Variants in WWOX observed in about 807,000 individuals in gnomAD.
The protein encoded by WWOX is WW domain containing oxidoreductase.
WWOX carries 69 observed loss-of-function variants against 46.2 expected under a neutral mutation model. The observed-to-expected ratio is 1.49, with a 90% CI of 1.23 to 1.82. The LOEUF (loss-of-function observed/expected upper bound fraction) is 1.82. WWOX is among the 40% of genes most tolerant of loss of function. WWOX has a pLI of 0.00. For synonymous variants in WWOX, 359 were observed against 202.6 expected (o/e 1.77, Z -6.56); for missense variants, 919 against 542.6 (o/e 1.69, Z -6.89).
intron 8 of WWOX, among the ~76,000 whole-genome samples, chr16:78,928,792 G>C (rs535398668): frequency 4.6e-5 from 7 of 152,252 alleles, no homozygotes; most frequent in Non-Finnish European, 1.0e-4. Context: ...GATCGTGCAA[G>C]CCTCAGTTTT....
chr16:78,912,428 A>T (rs1431055482), intron 8 of WWOX, among the ~76,000 whole-genome samples: 1 of 151,884 alleles, frequency 6.6e-6, no homozygotes, highest in African/African-American at 2.4e-5. Flanking sequence ...CAATTAGTAG[A>T]TGGCAGCTCA....
At chr16:78,873,314 G>T (rs1428860773) in intron 8 of WWOX, 1 of 152,138 alleles carries the variant, frequency 6.6e-6, no homozygotes, top group African/African-American at 2.4e-5. Context: ...GAATTAAGAA[G>T]GGACTAGCTC....
At chr16:78,606,052 G>A (rs1382109436) in intron 8 of WWOX, among the ~76,000 whole-genome samples, 5 of 152,154 alleles carry the variant, frequency 3.3e-5, no homozygotes, top group African/African-American at 2.4e-5. Context: ...ATTCTGCTAC[G>A]AGGGATGCCC....
At chr16:79,046,214 A>T (rs1463743282) in intron 8 of WWOX, among the ~76,000 whole-genome samples, 2 of 152,166 alleles carry the variant, frequency 1.3e-5, no homozygotes, top group African/African-American at 4.8e-5. Flanking sequence ...GTCAGTATGT[A>T]TCCAAGTGTT....
chr16:79,068,403 C>T (rs1597343874), intron 8 of WWOX, among the ~76,000 whole-genome samples: 2 of 152,046 alleles, frequency 1.3e-5, no homozygotes, highest in East Asian at 3.9e-4. Flanking sequence ...ACCCGTGTTC[C>T]TGAGAGTAGC....
intron 8 of WWOX, among the ~76,000 whole-genome samples, chr16:78,585,464 C>T (rs2045173741): frequency 6.6e-6 from 1 of 152,090 alleles, no homozygotes; most frequent in Non-Finnish European, 1.5e-5. Context: ...TGATGGGCCC[C>T]CAACTCAACT....
chr16:78,462,398 A>G (rs771720221), intron 8 of WWOX, among the ~76,000 whole-genome samples: 8 of 152,184 alleles, frequency 5.3e-5, no homozygotes, highest in Admixed American at 1.3e-4. Flanking sequence ...TGAGCCGGCC[A>G]TAGATTTATC....
At position 79,212,392 on chromosome 16, in the gene WWOX, A is replaced by AAGTACTTGTCATAGACTC; in HGVS notation, c.*597_*614dup. The AAGTACTTGTCATAGACTC allele has an allele frequency of 6.4e-6, 3 of 465,900 alleles. No individual in the cohort carries two copies. Among genetic ancestry groups the AAGTACTTGTCATAGACTC allele is most frequent in the Non-Finnish European group, 1.1e-5 (3 of 265,360 alleles). The allele number at this position is 465,900 out of a possible 1,614,324, so 28.9% of individuals were successfully genotyped here. On this transcript the variant is annotated 3_prime_UTR_variant, in exon 9 of 9. Transcript: ENST00000566780. The stretch of plus-strand genomic sequence containing the variant: ...GAATACGCAGAACTACCAGGTGGCA[A>AAGTACTTGTCATAGACTC]AGTACTTGTCATAGACTCCTTTGCT...
intron 5 of WWOX, among the ~76,000 whole-genome samples, chr16:78,199,313 AAAC>A (rs2036157016): frequency 4.6e-5 from 2 of 43,410 alleles, no homozygotes; most frequent in African/African-American, 2.7e-4. Context: ...ACTCCATCTC[AAAC>A]AAACAAACAA....
chr16:78,813,957 A>G (rs1304286820), intron 8 of WWOX, among the ~76,000 whole-genome samples: 2 of 151,518 alleles, frequency 1.3e-5, no homozygotes, highest in Non-Finnish European at 2.9e-5. Context: ...TTGTCTCCCC[A>G]CCCCCAATTC....
At chr16:78,520,639 G>C (rs954959207) in intron 8 of WWOX, among the ~76,000 whole-genome samples, 3 of 151,978 alleles carry the variant, frequency 2.0e-5, no homozygotes, top group African/African-American at 7.2e-5. Context: ...GGTGGGGCAG[G>C]GCAGGACGGC....
At chr16:78,680,359 C>T (rs1358107640) in intron 8 of WWOX, among the ~76,000 whole-genome samples, 3 of 151,898 alleles carry the variant, frequency 2.0e-5, no homozygotes, top group Non-Finnish European at 4.4e-5. Context: ...GCCTGAACGA[C>T]GTAAAAAGAC....
intron 5 of WWOX, among the ~76,000 whole-genome samples, chr16:78,166,454 C>T (rs1244101913): frequency 6.6e-6 from 1 of 152,150 alleles, no homozygotes; most frequent in Non-Finnish European, 1.5e-5. Context: ...TGAGTAAATG[C>T]CTGGGGCAGA....
rs78333090 is a variant in WWOX, at chr16:78,458,258, GTTTTTTTT to G, written c.1056+25519_1056+25526del. Among the ~76,000 whole-genome samples the G allele has an allele frequency of 1.5e-3, 178 of 120,968 alleles. 1 individual carries two copies. Among genetic ancestry groups the G allele is most frequent in the South Asian group, 1.6e-3 (6 of 3,842 alleles). 79.4% of individuals were successfully genotyped at this position (120,968 alleles called of 152,430 possible). The stretch of plus-strand genomic sequence containing the variant: ...ATTAATTAATTGTTTCATTGGTATA[GTTTTTTTT>G]TTTTTTTTTTTTGATACAGGGTCTT... On this transcript the variant is annotated intron_variant, in intron 8 of 8. Coordinates refer to ENST00000566780, the MANE Select transcript of WWOX (RefSeq NM_016373.4).
chr16:79,001,468 G>A (rs968534940), intron 8 of WWOX, among the ~76,000 whole-genome samples: 6 of 152,168 alleles, frequency 3.9e-5, no homozygotes, highest in African/African-American at 1.2e-4. Flanking sequence ...TGTGCGTGCA[G>A]CTTCTGTTTA....
intron 8 of WWOX, among the ~76,000 whole-genome samples, chr16:78,697,873 C>T (rs1286408307): frequency 6.6e-6 from 1 of 152,118 alleles, no homozygotes; most frequent in Non-Finnish European, 1.5e-5. Context: ...GCAATTACCC[C>T]TGGCTTAGGG....
chr16:78,948,805 C>G (rs1362311743), intron 8 of WWOX, among the ~76,000 whole-genome samples: 1 of 152,076 alleles, frequency 6.6e-6, no homozygotes, highest in Admixed American at 6.6e-5. Context: ...ATTAAGGTAA[C>G]TAATCAGCTG....
intron 8 of WWOX, among the ~76,000 whole-genome samples, chr16:79,113,172 A>T (rs749728093): frequency 2.6e-5 from 4 of 152,216 alleles, no homozygotes; most frequent in Admixed American, 1.3e-4. Flanking sequence ...TACAAGCTCA[A>T]TGTGGAGACT....
At chr16:79,025,934 G>T (rs2047631665) in intron 8 of WWOX, among the ~76,000 whole-genome samples, 1 of 148,344 alleles carries the variant, frequency 6.7e-6, no homozygotes, top group African/African-American at 2.6e-5. Flanking sequence ...GAGTAGCTGG[G>T]ATAATAGGTG....
Sources: allele counts gnomAD v4.1 joint callset (sites outside exome capture counted in the v4.1 genomes callset), GRCh38; gene constraint gnomAD v4.1.1; transcripts MANE v1.5; gene names NCBI Gene and HGNC (gene_info 2026-07-23, HGNC 2026-07-21).